CADPS2: variants seen among roughly 807,000 people sequenced by gnomAD.
The protein encoded by CADPS2 is calcium-dependent secretion activator 2.
A neutral mutation model predicts 172.5 loss-of-function variants in CADPS2; 93 were observed. The ratio of observed to expected loss-of-function variants is 0.54; its 90% CI spans 0.46 to 0.64. CADPS2 has a LOEUF of 0.64. Among genes scored for constraint, CADPS2 ranks in the 30% least tolerant of loss-of-function variants. CADPS2 has a pLI of 0.00. For missense variants in CADPS2, 1,420 were observed against 1,565.9 expected, an observed-to-expected ratio of 0.91 and a Z score of 1.57; for synonymous variants, 546 against 555.2, an observed-to-expected ratio of 0.98 and a Z score of 0.23.
At chr7:122,585,296 A>C (rs1179494404) in intron 6 of CADPS2, among the ~76,000 whole-genome samples, 1 of 151,940 alleles carries the variant, frequency 6.6e-6, no homozygotes, top group East Asian at 1.9e-4. Flanking sequence ...CTTTCTTATA[A>C]AGAAAATATA....
chr7:122,325,104 G>A (rs1325002432), intron 29 of CADPS2, among the ~76,000 whole-genome samples: 2 of 151,996 alleles, frequency 1.3e-5, no homozygotes, highest in African/African-American at 4.8e-5. Context: ...GGCAAATATA[G>A]TACAAAAGCC....
At chr7:122,714,683 G>A (rs1323337373) in intron 2 of CADPS2, among the ~76,000 whole-genome samples, 1 of 152,080 alleles carries the variant, frequency 6.6e-6, no homozygotes. Flanking sequence ...GCCACTCATA[G>A]GAATAAGTCT....
At chr7:122,808,115 T>G (rs569771027) in intron 1 of CADPS2, among the ~76,000 whole-genome samples, 52 of 152,314 alleles carry the variant, frequency 3.4e-4, no homozygotes, top group Non-Finnish European at 3.5e-4. Context: ...GAAAGCAGTA[T>G]TTCAGAACGT....
chr7:122,661,661 TA>T (rs1259167205), intron 3 of CADPS2, among the ~76,000 whole-genome samples: 1 of 152,140 alleles, frequency 6.6e-6, no homozygotes, highest in Admixed American at 6.5e-5. Flanking sequence ...AAGCTGCAAA[TA>T]AATGACTTTT....
At chr7:122,441,601 A>C in intron 15 of CADPS2, 26 bp from the exon 16 acceptor site, 2 of 1,444,536 alleles carry the variant, frequency 1.4e-6, no homozygotes, top group Non-Finnish European at 1.9e-6. Context: ...AAAGAACAAA[A>C]GAGTCAAACA....
At chr7:122,790,033 T>TA (rs1019895626) in intron 1 of CADPS2, among the ~76,000 whole-genome samples, 7 of 150,970 alleles carry the variant, frequency 4.6e-5, no homozygotes, top group African/African-American at 1.7e-4. Flanking sequence ...TAAGTGTTTT[T>TA]TTTTTTTTTT....
intron 2 of CADPS2, among the ~76,000 whole-genome samples, chr7:122,673,056 CT>C (rs1310366974): frequency 6.6e-6 from 1 of 152,170 alleles, no homozygotes; most frequent in Non-Finnish European, 1.5e-5. Flanking sequence ...GGCATCGCCT[CT>C]GGAATTGTTC....
intron 6 of CADPS2, among the ~76,000 whole-genome samples, chr7:122,585,084 G>C (rs1261358671): frequency 6.6e-6 from 1 of 151,938 alleles, no homozygotes; most frequent in Non-Finnish European, 1.5e-5. Context: ...TAAATAACGT[G>C]TTCTCAGGCA....
At chr7:122,702,215 A>C in intron 2 of CADPS2, 2 of 1,613,786 alleles carry the variant, frequency 1.2e-6, no homozygotes, top group South Asian at 2.2e-5. Flanking sequence ...CATTCTCCCC[A>C]CTTCAATGAT....
At position 122,590,726 on chromosome 7, in the gene CADPS2, A is replaced by C. The variant is rs1280086121; in HGVS notation, c.1224-9436T>G. On this transcript the variant is annotated intron_variant, in intron 6 of 29. Coordinates refer to ENST00000449022, the MANE Select transcript of CADPS2 (RefSeq NM_017954.11). ...TCATAAAAAAATTTACCTATCTAGT[A>C]AATAAAATTTACAACAAATAGCTCC... Among the ~76,000 whole-genome samples the C allele has an allele frequency of 3.3e-5, 5 of 151,916 alleles. No homozygotes were observed. In the East Asian group the frequency reaches 9.7e-4, roughly 29 times the overall value.
At chr7:122,839,513 T>A (rs1179103783) in intron 1 of CADPS2, among the ~76,000 whole-genome samples, 3 of 152,142 alleles carry the variant, frequency 2.0e-5, no homozygotes, top group Admixed American at 6.5e-5. Context: ...TGGGAGAACA[T>A]TTTTGCAATC....
At chr7:122,868,486 T>C (rs1563211541) in intron 1 of CADPS2, among the ~76,000 whole-genome samples, 1 of 152,124 alleles carries the variant, frequency 6.6e-6, no homozygotes, top group Admixed American at 6.5e-5. Flanking sequence ...GGCAATATCA[T>C]GACTTGACAC....
At position 122,324,707 on chromosome 7, in the gene CADPS2, G is replaced by A. The variant is rs112868031; in HGVS notation, c.3717+770C>T. 7.5e-3 allele frequency among the ~76,000 whole-genome samples: 1,143 copies of A among 152,198 alleles called. 8 individuals carry two copies. Among genetic ancestry groups the A allele is most frequent in the Non-Finnish European group, 0.013 (900 of 67,978 alleles). The stretch of plus-strand genomic sequence containing the variant: ...TAAAGGTCTTTTGTTTAAATAAATA[G>A]GTGATTCTCAATAGCTTAGAGTTAT... On this transcript the variant is annotated intron_variant, in intron 29 of 29. Transcript: ENST00000449022.
At chr7:122,541,599 A>G (rs1020394718) in intron 8 of CADPS2, among the ~76,000 whole-genome samples, 1 of 144,778 alleles carries the variant, frequency 6.9e-6, no homozygotes, top group Non-Finnish European at 1.5e-5. Context: ...ATTCATATAT[A>G]TTTATATATT....
chr7:122,715,252 T>TA (rs2089424027), intron 2 of CADPS2, among the ~76,000 whole-genome samples: 1 of 152,130 alleles, frequency 6.6e-6, no homozygotes, highest in African/African-American at 2.4e-5. Context: ...GGACACACCT[T>TA]AGATTTTAAG....
chr7:122,673,424 T>C (rs1344357525), intron 2 of CADPS2, among the ~76,000 whole-genome samples: 1 of 152,214 alleles, frequency 6.6e-6, no homozygotes, highest in Non-Finnish European at 1.5e-5. Context: ...TACAATCCTC[T>C]AGCTGGACAT....
In CADPS2 at chr7:122,663,655, C is replaced by T. The variant is rs1299229699; in HGVS notation, c.454-86G>A. ...CACCACTTGCTTTCAGCAATCCAGC[C>T]AGAGTTTCTACAAATATTTCAGCCA... On this transcript the variant is annotated intron_variant, in intron 2 of 29. Coordinates refer to ENST00000449022, the MANE Select transcript of CADPS2 (RefSeq NM_017954.11). The T allele has an allele frequency of 7.3e-6, 7 of 962,506 alleles. No individual in the cohort carries two copies. The Admixed American group carries it at 1.9e-4, about 26-fold the overall frequency. 59.6% of individuals were successfully genotyped at this position (962,506 alleles called of 1,614,324 possible).
At chr7:122,405,183 G>T (rs1343604203) in intron 20 of CADPS2, among the ~76,000 whole-genome samples, 1 of 152,034 alleles carries the variant, frequency 6.6e-6, no homozygotes, top group African/African-American at 2.4e-5. Flanking sequence ...TCATTTAGGG[G>T]ACTTAATGCC....
rs370065567 is a variant in CADPS2 at position 122,360,832 on chromosome 7, A to G, written c.3472-12T>C. On this transcript the variant is annotated splice_polypyrimidine_tract_variant and intron_variant, in intron 26 of 29. Transcript: ENST00000449022. ...GCAGCTGCTTTCACCTTAAGTGTGA[A>G]AGAAAGAGATAATCATGAGAATTAT... 200 of 1,573,908 alleles carry G rather than the reference A, an allele frequency of 1.3e-4. No individual in the cohort carries two copies. In the Middle Eastern group the frequency reaches 6.0e-3, roughly 47 times the overall value.
Sources: gnomAD v4.1 joint callset for allele counts (sites outside exome capture counted in the v4.1 genomes callset) on GRCh38, gnomAD v4.1.1 for gene constraint, MANE v1.5 for transcripts, NCBI Gene and HGNC (gene_info 2026-07-23, HGNC 2026-07-21) for gene names.